The following PLAUR variants were observed in gnomAD, a reference collection of about 807,000 sequenced individuals.
PLAUR encodes plasminogen activator, urokinase receptor.
PLAUR carries 22 observed loss-of-function variants against 33.4 expected under a neutral mutation model. The observed-to-expected ratio is 0.66, with a 90% CI of 0.47 to 0.94. The LOEUF is 0.94. Among genes scored for constraint, PLAUR ranks in the 40% least tolerant of loss-of-function variants. PLAUR has a pLI of 0.00. For synonymous variants in PLAUR, 148 were observed against 167.3 expected, an observed-to-expected ratio of 0.88 and a Z score of 0.89; for missense variants, 408 against 434.7, an observed-to-expected ratio of 0.94 and a Z score of 0.55.
intron 5 of PLAUR, among the ~76,000 whole-genome samples, chr19:43,654,957 T>C (rs540458386): frequency 4.4e-4 from 67 of 152,056 alleles, no homozygotes; most frequent in African/African-American, 1.5e-3. Flanking sequence ...GATAGTATCA[T>C]TGAATCCTTA....
chr19:43,655,601 A>G (rs1364430591), intron 4 of PLAUR, 28 bp from the exon 5 acceptor site: 1 of 1,603,976 alleles, frequency 6.2e-7, no homozygotes. Context: ...CAGAGGTCAG[A>G]TGTCAGATTG....
At chr19:43,659,862 T>C (rs970656432) in intron 3 of PLAUR, among the ~76,000 whole-genome samples, 5 of 152,220 alleles carry the variant, frequency 3.3e-5, no homozygotes, top group African/African-American at 1.2e-4. Flanking sequence ...AGTTCTTCAT[T>C]TGAGTCACTG....
intron 2 of PLAUR, among the ~76,000 whole-genome samples, chr19:43,666,524 C>T (rs1967260796): frequency 6.7e-6 from 1 of 150,098 alleles, no homozygotes; most frequent in Admixed American, 6.7e-5. Context: ...TCCGTCCCTC[C>T]CTCCCTTCCT....
chr19:43,666,532 CCTCTCTCTCTTT>C (rs1390955613), intron 2 of PLAUR, among the ~76,000 whole-genome samples: 2 of 137,998 alleles, frequency 1.4e-5, no homozygotes, highest in South Asian at 2.7e-4. Context: ...TCCCTCCCTT[CCTCTCTCTCTTT>C]CTCTCTCTCT....
intron 2 of PLAUR, 52 bp from the exon 3 acceptor site, chr19:43,665,511 C>T (rs1417154184): frequency 6.3e-7 from 1 of 1,590,912 alleles, no homozygotes; most frequent in Non-Finnish European, 8.6e-7. Flanking sequence ...GCTCAACCAG[C>T]CTCTGACACT....
In PLAUR at chr19:43,649,103, G is replaced by A. The variant is rs4251950; in HGVS notation, c.795C>T (p.Thr265=). 0.017 allele frequency: 27,565 copies of A among 1,613,736 alleles called. 292 individuals carry two copies. The highest frequency in any genetic ancestry group is 0.019 in the Non-Finnish European group (22,660 of 1,179,642). The change falls in exon 7 of 7, where the codon ACC becomes ACT. Residue 265 remains threonine (T), a synonymous_variant. Transcript: ENST00000340093. ...GGTGGGCATGTTGGCACATTGAGGC[G>A]GTTGCACAGCCTCTTACCATATAGC... ...NQSYMVRGCA[T]ASMCQHAHLG... is the part of the protein sequence containing the mutation.
intron 3 of PLAUR, among the ~76,000 whole-genome samples, chr19:43,657,002 G>T (rs1437403601): frequency 6.7e-6 from 1 of 150,048 alleles, no homozygotes; most frequent in Non-Finnish European, 1.5e-5. Flanking sequence ...GGAACGCAGT[G>T]GCACCATCTT....
intron 1 of PLAUR, chr19:43,668,416 G>T: frequency 2.0e-6 from 1 of 508,240 alleles, no homozygotes; most frequent in Non-Finnish European, 2.5e-6. Flanking sequence ...GCTCCTCCCC[G>T]ATGCCATAAC....
chr19:43,655,492 T>A lies in PLAUR; in HGVS notation c.554A>T (p.Asp185Val). The change falls in exon 5 of 7, where the codon GAC becomes GTC. Residue 185 changes from aspartate to valine, a missense_variant. Coordinates refer to ENST00000340093, the MANE Select transcript of PLAUR (RefSeq NM_002659.4). Reference protein sequence around the residue: ...CPGSNGFHNNDTFHFLKCCNT... With the variant: ...CPGSNGFHNNVTFHFLKCCNT... The stretch of plus-strand genomic sequence containing the variant: ...GCAGCATTTCAGGAAGTGGAAGGTG[T>A]CGTTGTTGTGGAAACCATTGGAGCC... The A allele has an allele frequency of 6.2e-7, 1 of 1,614,202 alleles. No individual in the cohort carries two copies. Among genetic ancestry groups the A allele is most frequent in the East Asian group, 2.2e-5 (1 of 44,878 alleles).
intron 1 of PLAUR, chr19:43,667,980 A>G (rs777194750): frequency 1.9e-4 from 244 of 1,255,066 alleles, no homozygotes; most frequent in Non-Finnish European, 2.4e-4. Flanking sequence ...GTATATCCTG[A>G]CAGTCGTATC....
intron 4 of PLAUR, 126 bp downstream of exon 4, chr19:43,656,353 G>A (rs925992880): frequency 5.1e-6 from 4 of 786,968 alleles, no homozygotes; most frequent in Non-Finnish European, 5.9e-6. Flanking sequence ...CCTATCACTG[G>A]ACCTCTTGTG....
chr19:43,668,039 C>G, intron 1 of PLAUR: 1 of 1,077,488 alleles, frequency 9.3e-7, no homozygotes, highest in Non-Finnish European at 1.1e-6. Flanking sequence ...TTAGGTCTTT[C>G]TCACCGCACC....
chr19:43,667,550 G>A, intron 2 of PLAUR, 31 bp downstream of exon 2: 1 of 1,444,538 alleles, frequency 6.9e-7, no homozygotes, highest in Non-Finnish European at 9.7e-7. Context: ...ATGCTGCGCT[G>A]GAGGGGTGTG....
chr19:43,652,340 G>A lies in PLAUR; in HGVS notation c.639C>T (p.Gly213=). ...TCCCCTTGCAGCTGTAACACTGGCG[G>A]CCATTCTGCGGCAGATTTTCAAGCT... ...ILELENLPQN[G]RQCYSCKGNS... Residue 213 remains glycine (G), a synonymous_variant, in exon 6 of 7, where the codon GGC becomes GGT. Transcript: ENST00000340093. 6.2e-7 allele frequency: 1 copy of A among 1,614,126 alleles called. No individual in the cohort carries two copies. Among genetic ancestry groups the A allele is most frequent in the South Asian group, 1.1e-5 (1 of 91,088 alleles).
downstream of PLAUR, chr19:43,646,268 T>TGGAA (rs1166343076): frequency 6.8e-5 from 38 of 558,074 alleles, no homozygotes; most frequent in African/African-American, 6.4e-4. Context: ...AGGCACACAA[T>TGGAA]GTGTTAGTTT....
intron 3 of PLAUR, among the ~76,000 whole-genome samples, chr19:43,659,653 C>A (rs765928226): frequency 6.6e-6 from 1 of 152,202 alleles, no homozygotes; most frequent in African/African-American, 2.4e-5. Flanking sequence ...AACAAAACTC[C>A]CCATCTTCTC....
chr19:43,657,671 G>A (rs1257633251), intron 3 of PLAUR, among the ~76,000 whole-genome samples: 1 of 152,180 alleles, frequency 6.6e-6, no homozygotes, highest in African/African-American at 2.4e-5. Context: ...CTGGTGACAG[G>A]TATGTCTCCT....
At chr19:43,668,514 C>T (rs1262756176) in intron 1 of PLAUR, among the ~76,000 whole-genome samples, 3 of 151,554 alleles carry the variant, frequency 2.0e-5, no homozygotes, top group African/African-American at 7.3e-5. Context: ...CTCCCCGCCC[C>T]TAGTTTTCCC....
chr19:43,652,384 C>T lies in PLAUR; in HGVS notation c.608-13G>A, dbSNP rs751565701. 3.1e-6 allele frequency: 5 copies of T among 1,612,678 alleles called. No individual in the cohort carries two copies. The highest frequency in any genetic ancestry group is 4.2e-6 in the Non-Finnish European group (5 of 1,179,008). ...TCAAGCTCCAGGACTTAGGAGAAGA[C>T]CAGAGACACAGAGACCAAGAAAATT... On this transcript the variant is annotated splice_polypyrimidine_tract_variant and intron_variant, in intron 5 of 6. Transcript: ENST00000340093.
Sources: gnomAD v4.1 joint callset for allele counts (sites outside exome capture counted in the v4.1 genomes callset) on GRCh38, gnomAD v4.1.1 for gene constraint, MANE v1.5 for transcripts, NCBI Gene and HGNC (gene_info 2026-07-23, HGNC 2026-07-21) for gene names.